Variants in FYN observed in about 807,000 individuals in gnomAD.
FYN encodes the protein tyrosine-protein kinase Fyn.
A neutral mutation model predicts 70.2 loss-of-function variants in FYN; 10 were observed. The observed-to-expected ratio is 0.14, with a 90% CI of 0.09 to 0.24. The LOEUF (loss-of-function observed/expected upper bound fraction) is 0.24, where lower values mean the gene tolerates loss of function less well. FYN is among the 10% of genes least tolerant of loss of function. The pLI is 1.00. For synonymous variants in FYN, 236 were observed against 248.6 expected, an observed-to-expected ratio of 0.95 and a Z score of 0.48; for missense variants, 319 against 673.1, an observed-to-expected ratio of 0.47 and a Z score of 5.82.
chr6:111,708,719 G>C (rs1017279477), intron 5 of FYN, among the ~76,000 whole-genome samples: 2 of 152,162 alleles, frequency 1.3e-5, no homozygotes, highest in African/African-American at 4.8e-5. Flanking sequence ...GGATGGGAAT[G>C]GCTGCGTGTG....
chr6:111,718,891 A>G (rs756300553), intron 4 of FYN, among the ~76,000 whole-genome samples: 4 of 152,182 alleles, frequency 2.6e-5, no homozygotes, highest in African/African-American at 9.7e-5. Flanking sequence ...CCTTGATACA[A>G]CTACACTGAT....
chr6:111,691,644 T>A (rs1799322711), intron 12 of FYN, among the ~76,000 whole-genome samples: 1 of 152,192 alleles, frequency 6.6e-6, no homozygotes, highest in South Asian at 2.1e-4. Context: ...GGAGGAATTT[T>A]ATAAACAGCT....
At chr6:111,807,074 G>T (rs961905542) in intron 2 of FYN, among the ~76,000 whole-genome samples, 1 of 152,190 alleles carries the variant, frequency 6.6e-6, no homozygotes, top group African/African-American at 2.4e-5. Context: ...TTCTGGCTGC[G>T]CTGTGTGTGA....
At chr6:111,823,831 T>C (rs562932107) in intron 2 of FYN, among the ~76,000 whole-genome samples, 1 of 152,282 alleles carries the variant, frequency 6.6e-6, no homozygotes, top group South Asian at 2.1e-4. Context: ...TCTCACAGAA[T>C]ATATATAAAC....
chr6:111,791,836 G>A (rs1002239865), intron 2 of FYN, among the ~76,000 whole-genome samples: 5 of 152,152 alleles, frequency 3.3e-5, no homozygotes, highest in African/African-American at 7.2e-5. Context: ...ATGGGTATCC[G>A]TATGAAAGAA....
At chr6:111,774,185 T>C (rs925805327) in intron 3 of FYN, among the ~76,000 whole-genome samples, 5 of 152,204 alleles carry the variant, frequency 3.3e-5, no homozygotes, top group African/African-American at 9.7e-5. Flanking sequence ...TGTTTCCATA[T>C]GGAGTGGGCC....
chr6:111,733,670 T>C (rs774136359), intron 3 of FYN, among the ~76,000 whole-genome samples: 1 of 152,226 alleles, frequency 6.6e-6, no homozygotes, highest in Non-Finnish European at 1.5e-5. Context: ...CGTGTCACTC[T>C]GAAGTTCTGG....
chr6:111,769,863 G>C (rs928951946), intron 3 of FYN, among the ~76,000 whole-genome samples: 1 of 152,162 alleles, frequency 6.6e-6, no homozygotes, highest in Non-Finnish European at 1.5e-5. Context: ...AGTGTATGTT[G>C]GTCTCACCAG....
chr6:111,807,152 G>A (rs1331917550), intron 2 of FYN, among the ~76,000 whole-genome samples: 1 of 152,176 alleles, frequency 6.6e-6, no homozygotes, highest in African/African-American at 2.4e-5. Context: ...TTTAACAGAG[G>A]ACTTATTTAT....
chr6:111,799,435 C>T (rs1417356308), intron 2 of FYN, among the ~76,000 whole-genome samples: 2 of 152,034 alleles, frequency 1.3e-5, no homozygotes, highest in African/African-American at 2.4e-5. Context: ...GAGATGTTTC[C>T]CTTTACTGGC....
At chr6:111,682,648 T>C (rs941766323) in intron 12 of FYN, among the ~76,000 whole-genome samples, 3 of 152,148 alleles carry the variant, frequency 2.0e-5, no homozygotes, top group Non-Finnish European at 4.4e-5. Context: ...AGTGGTCCGA[T>C]TGTGGGCTGA....
At chr6:111,780,398 G>C (rs1771130248) in intron 3 of FYN, among the ~76,000 whole-genome samples, 168 bp downstream of exon 3, 1 of 152,132 alleles carries the variant, frequency 6.6e-6, no homozygotes, top group African/African-American at 2.4e-5. Flanking sequence ...ACAAGAAAAA[G>C]TATCACACTG....
intron 2 of FYN, among the ~76,000 whole-genome samples, chr6:111,812,046 C>G (rs1772341020): frequency 6.6e-6 from 1 of 152,212 alleles, no homozygotes; most frequent in Non-Finnish European, 1.5e-5. Context: ...GCTCAAAACA[C>G]TTACATGGAA....
intron 3 of FYN, among the ~76,000 whole-genome samples, chr6:111,739,819 A>G (rs376429675): frequency 6.6e-6 from 1 of 152,320 alleles, no homozygotes; most frequent in East Asian, 1.9e-4. Flanking sequence ...GATACTTGAC[A>G]ATCTTTTGTT....
At chr6:111,803,499 T>C (rs1055458018) in intron 2 of FYN, among the ~76,000 whole-genome samples, 3 of 152,208 alleles carry the variant, frequency 2.0e-5, no homozygotes, top group African/African-American at 7.2e-5. Flanking sequence ...TCATTCATCA[T>C]ATATCCTCAG....
At chr6:111,803,544 A>G (rs1280955940) in intron 2 of FYN, among the ~76,000 whole-genome samples, 1 of 152,050 alleles carries the variant, frequency 6.6e-6, no homozygotes, top group East Asian at 1.9e-4. Flanking sequence ...ATATTCTCCA[A>G]TCTGTGAAGA....
chr6:111,668,987 T>C (rs1283882178), intron 13 of FYN, among the ~76,000 whole-genome samples: 1 of 151,974 alleles, frequency 6.6e-6, no homozygotes, highest in African/African-American at 2.4e-5. Flanking sequence ...AGGACCAGAG[T>C]GGCATTTGGA....
At chr6:111,846,456 G>A (rs1023945143) in intron 2 of FYN, 133 bp downstream of exon 2, 2 of 397,560 alleles carry the variant, frequency 5.0e-6, no homozygotes, top group South Asian at 1.3e-4. Context: ...TCTCCAACTC[G>A]ACCTCTCTCT....
intron 1 of FYN, among the ~76,000 whole-genome samples, chr6:111,855,135 C>T (rs1203180883): frequency 6.6e-6 from 1 of 152,076 alleles, no homozygotes; most frequent in Non-Finnish European, 1.5e-5. Context: ...TTAAATTATT[C>T]CAGTTTTATG....
Sources: gnomAD v4.1 joint callset for allele counts (sites outside exome capture counted in the v4.1 genomes callset) on GRCh38, gnomAD v4.1.1 for gene constraint, MANE v1.5 for transcripts, NCBI Gene and HGNC (gene_info 2026-07-23, HGNC 2026-07-21) for gene names.